CAMTA1: variants seen among roughly 807,000 people sequenced by gnomAD.
CAMTA1 encodes the protein calmodulin binding transcription activator 1.
Under a neutral mutation model 170.9 loss-of-function variants are expected in CAMTA1, and 27 were observed. The ratio of observed to expected loss-of-function variants is 0.16; its 90% CI spans 0.12 to 0.22. The LOEUF is 0.22. Ranked by LOEUF, CAMTA1 falls within the 10% of genes least tolerant of loss-of-function variation. CAMTA1 has a pLI of 1.00. For missense variants in CAMTA1, 1,619 were observed against 2,217.2 expected, an observed-to-expected ratio of 0.73 and a Z score of 5.42; for synonymous variants, 833 against 891.5, an observed-to-expected ratio of 0.93 and a Z score of 1.17.
At chr1:7,763,760 A>G (rs917447137) in intron 22 of CAMTA1, among the ~76,000 whole-genome samples, 1 of 152,228 alleles carries the variant, frequency 6.6e-6, no homozygotes, top group African/African-American at 2.4e-5. Flanking sequence ...ATATTTCTAA[A>G]GCATTCCTGT....
intron 3 of CAMTA1, among the ~76,000 whole-genome samples, chr1:6,896,774 C>T (rs1008243580): frequency 6.6e-6 from 1 of 152,172 alleles, no homozygotes; most frequent in Non-Finnish European, 1.5e-5. Flanking sequence ...TATTATGCCA[C>T]TCCAAGCTGT....
At chr1:7,571,050 C>T (rs921381564) in intron 6 of CAMTA1, among the ~76,000 whole-genome samples, 4 of 152,250 alleles carry the variant, frequency 2.6e-5, no homozygotes, top group Admixed American at 1.3e-4. Flanking sequence ...CTGTGCCCAA[C>T]TGCCTTCACC....
rs547818839 is a variant in CAMTA1 at position 6,835,022 on chromosome 1, G to T, written c.234+9812G>T. Among the ~76,000 whole-genome samples the T allele has an allele frequency of 1.3e-5, 2 of 152,256 alleles. 1 individual carries two copies. Among genetic ancestry groups the T allele is most frequent in the South Asian group, 4.1e-4 (2 of 4,820 alleles). On this transcript the variant is annotated intron_variant, in intron 3 of 22. Coordinates refer to ENST00000303635, the MANE Select transcript of CAMTA1 (RefSeq NM_015215.4). ...AGTTCAGAACATTTTTCATCACCCCGCAGCCTTCTGGACTGAGTGGAGTCA... is the reference window on the plus strand; with the variant it reads ...AGTTCAGAACATTTTTCATCACCCCTCAGCCTTCTGGACTGAGTGGAGTCA...
intron 5 of CAMTA1, among the ~76,000 whole-genome samples, chr1:7,337,935 G>C (rs2083510128): frequency 6.6e-6 from 1 of 151,416 alleles, no homozygotes; most frequent in Non-Finnish European, 1.5e-5. Flanking sequence ...AATAGATCGT[G>C]TGAGCCAATT....
intron 3 of CAMTA1, among the ~76,000 whole-genome samples, chr1:7,053,700 T>C (rs1706834270): frequency 6.6e-6 from 1 of 152,162 alleles, no homozygotes; most frequent in Non-Finnish European, 1.5e-5. Flanking sequence ...CCCTTGCTGG[T>C]CTTGCCTGCA....
At chr1:7,422,434 GA>G (rs1467624763) in intron 5 of CAMTA1, among the ~76,000 whole-genome samples, 1 of 152,006 alleles carries the variant, frequency 6.6e-6, no homozygotes, top group Non-Finnish European at 1.5e-5. Flanking sequence ...GACATAGCAG[GA>G]AAAAGGGCAC....
intron 22 of CAMTA1, among the ~76,000 whole-genome samples, chr1:7,758,132 T>A (rs531477182): frequency 6.6e-6 from 1 of 152,222 alleles, no homozygotes; most frequent in African/African-American, 2.4e-5. Flanking sequence ...ATCATGCATG[T>A]TATATGCAAT....
rs979102080 is a variant in CAMTA1, at chr1:7,563,451, G to A, written c.511-76949G>A. On this transcript the variant is annotated intron_variant, in intron 6 of 22. Coordinates refer to ENST00000303635, the MANE Select transcript of CAMTA1 (RefSeq NM_015215.4). ...TCGGTGGGACCTGCTAGCAGCTCCCGTGCCTTCTGTTCCCACTCGGGCCCC... is the reference window on the plus strand; with the variant it reads ...TCGGTGGGACCTGCTAGCAGCTCCCATGCCTTCTGTTCCCACTCGGGCCCC... Among the ~76,000 whole-genome samples, 11 of 152,146 alleles carry A rather than the reference G, an allele frequency of 7.2e-5. No individual in the cohort carries two copies. In the South Asian group the frequency reaches 8.3e-4, roughly 11 times the overall value.
intron 6 of CAMTA1, among the ~76,000 whole-genome samples, chr1:7,559,408 C>T (rs2094927052): frequency 6.6e-6 from 1 of 152,304 alleles, no homozygotes; most frequent in South Asian, 2.1e-4. Context: ...CCTTCCCCTC[C>T]AGGCTGTCTC....
chr1:7,319,856 A>T (rs908182508), intron 5 of CAMTA1, among the ~76,000 whole-genome samples: 11 of 146,292 alleles, frequency 7.5e-5, no homozygotes, highest in African/African-American at 2.7e-4. Context: ...TGCTATACTA[A>T]ATCATTTTTT....
At chr1:7,394,754 T>A (rs1052848242) in intron 5 of CAMTA1, among the ~76,000 whole-genome samples, 9 of 152,156 alleles carry the variant, frequency 5.9e-5, no homozygotes, top group African/African-American at 1.9e-4. Context: ...GTATTATTTT[T>A]AAAAAATCCT....
intron 3 of CAMTA1, among the ~76,000 whole-genome samples, chr1:6,919,126 C>G (rs1681444877): frequency 1.3e-5 from 2 of 152,190 alleles, no homozygotes; most frequent in Non-Finnish European, 2.9e-5. Context: ...GTGTTTCTCT[C>G]CGTGGTGAGC....
chr1:7,470,846 A>G (rs1038150425), intron 6 of CAMTA1, among the ~76,000 whole-genome samples: 1 of 152,204 alleles, frequency 6.6e-6, no homozygotes, highest in African/African-American at 2.4e-5. Context: ...AAGGCCACTT[A>G]GCACTTAGTG....
At chr1:7,459,802 G>A (rs2093040596) in intron 5 of CAMTA1, among the ~76,000 whole-genome samples, 1 of 152,222 alleles carries the variant, frequency 6.6e-6, no homozygotes, top group African/African-American at 2.4e-5. Flanking sequence ...GGGGACTCTG[G>A]CTACGTGCCA....
intron 3 of CAMTA1, among the ~76,000 whole-genome samples, chr1:7,068,582 G>C (rs1032187233): frequency 2.6e-5 from 4 of 152,022 alleles, no homozygotes; most frequent in Non-Finnish European, 5.9e-5. Context: ...CATGCATCCC[G>C]AGCTCTGTTT....
intron 3 of CAMTA1, among the ~76,000 whole-genome samples, chr1:7,035,378 C>A (rs976252439): frequency 6.7e-6 from 1 of 150,158 alleles, no homozygotes; most frequent in African/African-American, 2.5e-5. Context: ...CCAGCCTGGG[C>A]AACAAGAGCG....
At chr1:7,551,809 GCT>G (rs2094806744) in intron 6 of CAMTA1, among the ~76,000 whole-genome samples, 1 of 152,178 alleles carries the variant, frequency 6.6e-6, no homozygotes, top group South Asian at 2.1e-4. Flanking sequence ...TTACCAGCTG[GCT>G]GGTTCCCAGG....
At chr1:6,881,255 A>T (rs779710346) in intron 3 of CAMTA1, among the ~76,000 whole-genome samples, 1 of 152,216 alleles carries the variant, frequency 6.6e-6, no homozygotes, top group Non-Finnish European at 1.5e-5. Context: ...AGTGTGGTGA[A>T]CAGTGCAGCA....
At chr1:7,413,536 T>C (rs2090948053) in intron 5 of CAMTA1, among the ~76,000 whole-genome samples, 4 of 152,164 alleles carry the variant, frequency 2.6e-5, no homozygotes, top group Non-Finnish European at 4.4e-5. Context: ...TGGGAGTTCA[T>C]TCATGATTTG....
Sources: gnomAD v4.1 joint callset for allele counts (sites outside exome capture counted in the v4.1 genomes callset) on GRCh38, gnomAD v4.1.1 for gene constraint, MANE v1.5 for transcripts, NCBI Gene and HGNC (gene_info 2026-07-23, HGNC 2026-07-21) for gene names.